SEC24B: variants seen among roughly 807,000 people sequenced by gnomAD.
The protein encoded by SEC24B is protein transport protein Sec24B.
In SEC24B, 45 loss-of-function variants were observed where a neutral mutation model predicts 142.8. That is an observed-to-expected ratio of 0.32 (90% CI 0.25 to 0.40). The LOEUF (loss-of-function observed/expected upper bound fraction) is 0.40, where lower values mean the gene tolerates loss of function less well. Among genes scored for constraint, SEC24B ranks in the 10% least tolerant of loss-of-function variants. SEC24B has a pLI of 1.00. For synonymous variants in SEC24B, 574 were observed against 568.2 expected (o/e 1.01, Z -0.15); for missense variants, 1,409 against 1,526.8 (o/e 0.92, Z 1.29).
In SEC24B at chr4:109,538,652, T is replaced by C. The variant is rs188237667; in HGVS notation, c.3692+56T>C. The C allele has an allele frequency of 3.2e-5, 34 of 1,075,326 alleles. No individual in the cohort carries two copies. In the Admixed American group the frequency reaches 6.0e-4, roughly 19 times the overall value. The allele number at this position is 1,075,326 out of a possible 1,614,324, so 66.6% of individuals were successfully genotyped here. A position where few individuals can be genotyped will look rare whatever the true frequency, so the allele number is the denominator to read the frequency against. On this transcript the variant is annotated intron_variant, in intron 23 of 23. Coordinates refer to ENST00000265175, the MANE Select transcript of SEC24B (RefSeq NM_006323.5). Reference sequence around the variant, plus strand: ...TGTCTTTCCTATGTAGTCTGTGGAATTGCTTGTCTTCAAAGCAAACTTTAA... The same window carrying C: ...TGTCTTTCCTATGTAGTCTGTGGAACTGCTTGTCTTCAAAGCAAACTTTAA...
chr4:109,515,091 A>G (rs1054126811), intron 10 of SEC24B, among the ~76,000 whole-genome samples: 4 of 151,814 alleles, frequency 2.6e-5, no homozygotes, highest in African/African-American at 7.3e-5. Context: ...TGGTTAGCAC[A>G]TTTTTATTTA....
intron 4 of SEC24B, 120 bp from the exon 5 acceptor site, chr4:109,491,207 T>C: frequency 1.5e-6 from 1 of 689,152 alleles, no homozygotes; most frequent in Non-Finnish European, 2.5e-6. Flanking sequence ...TCATTTTACT[T>C]TTTTACTAGA....
At chr4:109,509,775 G>C (rs1737126537) in intron 7 of SEC24B, among the ~76,000 whole-genome samples, 1 of 151,312 alleles carries the variant, frequency 6.6e-6, no homozygotes, top group African/African-American at 2.4e-5. Flanking sequence ...GGAGTAGTTG[G>C]TCTTCCCTGA....
At chr4:109,467,382 T>C (rs1308990865) in intron 2 of SEC24B, among the ~76,000 whole-genome samples, 1 of 151,764 alleles carries the variant, frequency 6.6e-6, no homozygotes, top group Admixed American at 6.6e-5. Flanking sequence ...GAGTGTTACA[T>C]TAGTTGTTAA....
At chr4:109,509,412 G>A (rs1325605540) in intron 7 of SEC24B, among the ~76,000 whole-genome samples, 4 of 152,086 alleles carry the variant, frequency 2.6e-5, no homozygotes, top group African/African-American at 7.2e-5. Context: ...AGTGGCTCAC[G>A]CCTGTAATCC....
intron 23 of SEC24B, among the ~76,000 whole-genome samples, 191 bp downstream of exon 23, chr4:109,538,787 C>A (rs193273776): frequency 8.9e-4 from 135 of 151,956 alleles, no homozygotes; most frequent in African/African-American, 2.7e-3. Flanking sequence ...TTCTTTCTTT[C>A]TTTATTTAAT....
chr4:109,470,368 A>G (rs1345676907), intron 2 of SEC24B, among the ~76,000 whole-genome samples: 1 of 152,196 alleles, frequency 6.6e-6, no homozygotes, highest in Non-Finnish European at 1.5e-5. Context: ...AAACTTCCAC[A>G]TGAGGTGTTG....
intron 4 of SEC24B, among the ~76,000 whole-genome samples, chr4:109,486,161 G>A (rs1734331430): frequency 6.6e-6 from 1 of 152,196 alleles, no homozygotes; most frequent in Non-Finnish European, 1.5e-5. Context: ...AGTTGTAATA[G>A]TAGCTCTGTG....
At chr4:109,440,558 A>G (rs1482525228) in intron 1 of SEC24B, among the ~76,000 whole-genome samples, 1 of 152,192 alleles carries the variant, frequency 6.6e-6, no homozygotes, top group Non-Finnish European at 1.5e-5. Context: ...ATATAGCCCA[A>G]ATTTTTGTGG....
intron 2 of SEC24B, among the ~76,000 whole-genome samples, chr4:109,465,663 G>A (rs954649086): frequency 6.6e-6 from 1 of 152,160 alleles, no homozygotes; most frequent in Non-Finnish European, 1.5e-5. Context: ...TAGTTCTGAG[G>A]TGGAAATAGC....
At chr4:109,523,742 A>G (rs1003314664) in intron 14 of SEC24B, among the ~76,000 whole-genome samples, 47 of 152,198 alleles carry the variant, frequency 3.1e-4, no homozygotes, top group Non-Finnish European at 6.6e-4. Context: ...CTTAGGATAA[A>G]TTCCTAGAAG....
intron 5 of SEC24B, among the ~76,000 whole-genome samples, chr4:109,491,993 C>T (rs976341360): frequency 9.9e-5 from 15 of 152,138 alleles, no homozygotes; most frequent in Non-Finnish European, 1.5e-5. Context: ...TCTCCTATCA[C>T]TGACAACCTG....
chr4:109,527,324 G>A lies in SEC24B; in HGVS notation c.2968G>A (p.Glu990Lys). 1 of 1,590,828 alleles carries A rather than the reference G, an allele frequency of 6.3e-7. No homozygotes were observed. Among genetic ancestry groups the A allele is most frequent in the East Asian group, 2.3e-5 (1 of 44,112 alleles). Residue 990 changes from glutamate (E) to lysine (K), a missense_variant and splice_region_variant, in exon 18 of 24, where the codon GAG (glutamate) becomes AAG (lysine). Physicochemically the swap from Glu to Lys is moderately conservative, Grantham distance 56. Transcript: ENST00000265175. ...TALLYTSSKG[E>K]RRIRVHTLCL... ...ATTTTCAATGACTTTTTTTTTAGGT[G>A]AGCGGAGAATTAGAGTACATACACT...
intron 5 of SEC24B, 150 bp from the exon 6 acceptor site, chr4:109,494,465 C>T (rs1735327775): frequency 2.6e-6 from 2 of 779,286 alleles, no homozygotes; most frequent in Non-Finnish European, 4.1e-6. Flanking sequence ...GTTCATCATT[C>T]CCCCTACTTT....
At chr4:109,482,935 ACTATATATATATATATATATATAT>A (rs1733880554) in intron 4 of SEC24B, among the ~76,000 whole-genome samples, 1 of 37,514 alleles carries the variant, frequency 2.7e-5, no homozygotes. Context: ...CCAGGCTTGT[ACTATATATATATATATATATATAT>A]ATATATATAT....
intron 1 of SEC24B, among the ~76,000 whole-genome samples, chr4:109,444,472 ATTTT>A (rs796951465): frequency 7.0e-5 from 9 of 128,248 alleles, no homozygotes; most frequent in African/African-American, 1.1e-4. Flanking sequence ...AGATCCTGTG[ATTTT>A]TTTTTTTTTT....
At position 109,477,053 on chromosome 4, in the gene SEC24B, C is replaced by T. The variant is rs1230202829; in HGVS notation, c.1060+3867C>T. 2.1e-5 allele frequency among the ~76,000 whole-genome samples: 3 copies of T among 146,280 alleles called. No homozygotes were observed. The Admixed American group carries it at 2.1e-4, about 10-fold the overall frequency. ...TTGGGAGGCTGAGGCAGGAGAATGGCGTGAACCCGGGAGGTGGAGCTTGCA... is the reference window on the plus strand; with the variant it reads ...TTGGGAGGCTGAGGCAGGAGAATGGTGTGAACCCGGGAGGTGGAGCTTGCA... On this transcript the variant is annotated intron_variant, in intron 3 of 23. Transcript: ENST00000265175.
chr4:109,537,036 C>A (rs947504559), intron 22 of SEC24B, among the ~76,000 whole-genome samples: 1 of 152,056 alleles, frequency 6.6e-6, no homozygotes, highest in Non-Finnish European at 1.5e-5. Flanking sequence ...ATAAAAAGTT[C>A]TCTTACAAAT....
chr4:109,503,635 C>A (rs568405574), intron 6 of SEC24B, among the ~76,000 whole-genome samples: 7 of 152,202 alleles, frequency 4.6e-5, no homozygotes, highest in South Asian at 2.1e-4. Context: ...GCTGGGATTG[C>A]AGGCTTGAGC....
Sources: allele counts gnomAD v4.1 joint callset (sites outside exome capture counted in the v4.1 genomes callset), GRCh38; gene constraint gnomAD v4.1.1; transcripts MANE v1.5; gene names NCBI Gene and HGNC (gene_info 2026-07-23, HGNC 2026-07-21).